Variants in CAMKMT observed in about 807,000 individuals in gnomAD.
CAMKMT encodes the protein calmodulin-lysine N-methyltransferase.
A neutral mutation model predicts 48.0 loss-of-function variants in CAMKMT; 53 were observed. That is an observed-to-expected ratio of 1.10 (90% CI 0.89 to 1.39). CAMKMT has a LOEUF of 1.39. Ranked by LOEUF, CAMKMT falls within the 40% of genes most tolerant of loss-of-function variation. The probability of loss-of-function intolerance (pLI) is 0.00; values close to 1 mark genes in which losing one functional copy is unlikely to be tolerated. For synonymous variants in CAMKMT, 165 were observed against 152.3 expected (o/e 1.08, Z -0.61); for missense variants, 428 against 402.7 (o/e 1.06, Z -0.54).
intron 3 of CAMKMT, among the ~76,000 whole-genome samples, chr2:44,411,160 G>T (rs571206816): frequency 1.3e-5 from 2 of 151,974 alleles, no homozygotes; most frequent in African/African-American, 4.8e-5. Flanking sequence ...TGTAATTTGC[G>T]GTCTTTATAG....
chr2:44,479,134 A>T (rs537993799), intron 3 of CAMKMT, among the ~76,000 whole-genome samples: 10 of 152,372 alleles, frequency 6.6e-5, no homozygotes, highest in Middle Eastern at 3.4e-3. Flanking sequence ...GTTACCTAAG[A>T]ATGCCACAAG....
chr2:44,362,176 C>A lies in CAMKMT; in HGVS notation c.138+31C>A. On this transcript the variant is annotated intron_variant, in intron 1 of 10. Coordinates refer to ENST00000378494, the MANE Select transcript of CAMKMT (RefSeq NM_024766.5). ...GGAGAACCTGCTCGCCTCACCTTTG[C>A]CTCTGGTCACTCCTCTCTCACGTAC... 2.1e-6 allele frequency: 3 copies of A among 1,435,004 alleles called. No homozygotes were observed. In the South Asian group the frequency reaches 4.2e-5, roughly 20 times the overall value. The allele number at this position is 1,435,004 out of a possible 1,614,324, so 88.9% of individuals were successfully genotyped here.
At chr2:44,705,001 T>A (rs1677474200) in intron 4 of CAMKMT, among the ~76,000 whole-genome samples, 1 of 151,856 alleles carries the variant, frequency 6.6e-6, no homozygotes, top group Non-Finnish European at 1.5e-5. Flanking sequence ...AAAATATAGG[T>A]TTTTCATTTT....
chr2:44,681,398 C>T (rs932879204), intron 3 of CAMKMT, among the ~76,000 whole-genome samples: 6 of 152,104 alleles, frequency 3.9e-5, no homozygotes, highest in South Asian at 2.1e-4. Flanking sequence ...GGGGAAAAGC[C>T]GAGAAGCCCA....
chr2:44,748,801 C>T (rs543109161), intron 8 of CAMKMT, among the ~76,000 whole-genome samples: 16 of 152,132 alleles, frequency 1.1e-4, no homozygotes, highest in African/African-American at 1.9e-4. Context: ...GGCATGAACC[C>T]GGGAGGCGGA....
intron 7 of CAMKMT, among the ~76,000 whole-genome samples, chr2:44,738,123 G>A (rs912325284): frequency 1.3e-5 from 2 of 152,026 alleles, no homozygotes; most frequent in Non-Finnish European, 2.9e-5. Context: ...CAAAGTGCTG[G>A]GATTACAGGC....
chr2:44,764,276 C>A (rs1217271766), intron 9 of CAMKMT, among the ~76,000 whole-genome samples: 1 of 152,098 alleles, frequency 6.6e-6, no homozygotes, highest in Non-Finnish European at 1.5e-5. Context: ...GACAGTGTAG[C>A]CACGTATTTT....
chr2:44,570,406 G>T (rs1668842654), intron 3 of CAMKMT, among the ~76,000 whole-genome samples: 1 of 151,708 alleles, frequency 6.6e-6, no homozygotes, highest in Admixed American at 6.6e-5. Flanking sequence ...TGAAATCCCA[G>T]TGGCAATACT....
intron 9 of CAMKMT, among the ~76,000 whole-genome samples, chr2:44,757,808 C>G (rs2104394404): frequency 6.6e-6 from 1 of 152,224 alleles, no homozygotes; most frequent in South Asian, 2.1e-4. Context: ...GTGATCCACC[C>G]CTGCCCCGAC....
chr2:44,731,209 C>G (rs1395703712), intron 7 of CAMKMT, among the ~76,000 whole-genome samples: 3 of 152,106 alleles, frequency 2.0e-5, no homozygotes, highest in Non-Finnish European at 4.4e-5. Flanking sequence ...GGCATGGTAG[C>G]ACATGCCTGT....
intron 3 of CAMKMT, among the ~76,000 whole-genome samples, chr2:44,614,379 C>G (rs1022371076): frequency 1.3e-5 from 2 of 152,196 alleles, no homozygotes; most frequent in African/African-American, 4.8e-5. Flanking sequence ...AGTAATGATA[C>G]TGTGACTGGG....
chr2:44,634,123 A>G (rs1184175471), intron 3 of CAMKMT, among the ~76,000 whole-genome samples: 1 of 152,098 alleles, frequency 6.6e-6, no homozygotes, highest in East Asian at 1.9e-4. Flanking sequence ...GCCTAGCCTG[A>G]TGGAGTCTCA....
At position 44,758,853 on chromosome 2, in the gene CAMKMT, A is replaced by G. The variant is rs571416093; in HGVS notation, c.762+4735A>G. ...CCAGAAATGACAACCAACAAATGGT[A>G]TCTACTAATATTCCTCTGAAATGAC... is the stretch of plus-strand genomic sequence containing the variant. On this transcript the variant is annotated intron_variant, in intron 9 of 10. Coordinates refer to ENST00000378494, the MANE Select transcript of CAMKMT (RefSeq NM_024766.5). 1.6e-4 allele frequency among the ~76,000 whole-genome samples: 25 copies of G among 152,362 alleles called. No individual in the cohort carries two copies. In the South Asian group the frequency reaches 4.8e-3, roughly 29 times the overall value.
intron 3 of CAMKMT, among the ~76,000 whole-genome samples, chr2:44,636,048 A>G (rs1673112005): frequency 1.3e-5 from 2 of 152,236 alleles, no homozygotes. Context: ...TGATTTGTAT[A>G]AGGCAGTGCT....
At chr2:44,480,170 A>G (rs1474715564) in intron 3 of CAMKMT, among the ~76,000 whole-genome samples, 1 of 152,182 alleles carries the variant, frequency 6.6e-6, no homozygotes, top group African/African-American at 2.4e-5. Flanking sequence ...CTCTTTAAGA[A>G]AAAAGATTTG....
intron 3 of CAMKMT, among the ~76,000 whole-genome samples, chr2:44,680,921 G>A (rs933154450): frequency 6.6e-6 from 1 of 152,178 alleles, no homozygotes; most frequent in African/African-American, 2.4e-5. Flanking sequence ...TAAGTGGTAG[G>A]AAATGATAAC....
Position 44,572,341 on chromosome 2 carries a change from C to T in CAMKMT, c.377-131942C>T, listed in dbSNP as rs148778698. ...GGATTACAGGCGTGAGCTGCCATGCCTAGGCTCTATGAATTTCATATAAGA... is the reference window on the plus strand; with the variant it reads ...GGATTACAGGCGTGAGCTGCCATGCTTAGGCTCTATGAATTTCATATAAGA... On this transcript the variant is annotated intron_variant, in intron 3 of 10. Coordinates refer to ENST00000378494, the MANE Select transcript of CAMKMT (RefSeq NM_024766.5). Among the ~76,000 whole-genome samples, 16 of 152,284 alleles carry T rather than the reference C, an allele frequency of 1.1e-4. No homozygotes were observed. The East Asian group carries it at 2.3e-3, about 22-fold the overall frequency.
intron 6 of CAMKMT, among the ~76,000 whole-genome samples, chr2:44,711,612 G>A (rs544256573): frequency 1.2e-4 from 19 of 152,232 alleles, no homozygotes; most frequent in African/African-American, 4.3e-4. Flanking sequence ...CACTGTGCCC[G>A]GTTCAGGTAA....
At chr2:44,761,660 A>T (rs1015868992) in intron 9 of CAMKMT, among the ~76,000 whole-genome samples, 1 of 152,196 alleles carries the variant, frequency 6.6e-6, no homozygotes, top group African/African-American at 2.4e-5. Context: ...TGATGCAGGT[A>T]GGGGGATGTG....
Sources: gnomAD v4.1 joint callset for allele counts (sites outside exome capture counted in the v4.1 genomes callset) on GRCh38, gnomAD v4.1.1 for gene constraint, MANE v1.5 for transcripts, NCBI Gene and HGNC (gene_info 2026-07-23, HGNC 2026-07-21) for gene names.